The following WNT4 variants were observed in gnomAD, a reference collection of about 807,000 sequenced individuals.
WNT4 encodes the protein Wnt family member 4, also known as protein Wnt-4.
In WNT4, 16 loss-of-function variants were observed where a neutral mutation model predicts 34.5. That is an observed-to-expected ratio of 0.46 (90% CI 0.31 to 0.70). WNT4 has a LOEUF of 0.70. WNT4 is among the 30% of genes least tolerant of loss of function. WNT4 has a pLI of 0.04. For missense variants in WNT4, 379 were observed against 495.9 expected, an observed-to-expected ratio of 0.76 and a Z score of 2.24; for synonymous variants, 200 against 211.9, an observed-to-expected ratio of 0.94 and a Z score of 0.49.
rs575232335 is a variant in WNT4 at position 22,120,166 on chromosome 1, C to G, written c.940G>C (p.Gly314Arg). 1 of 1,613,540 alleles carries G rather than the reference C, an allele frequency of 6.2e-7. No individual in the cohort carries two copies. Among genetic ancestry groups the G allele is most frequent in the Non-Finnish European group, 8.5e-7 (1 of 1,179,936 alleles). Residue 314 changes from glycine to arginine, a missense_variant, in exon 5 of 5, where the codon GGC (glycine) becomes CGC (arginine). By Grantham distance (125) the Gly-to-Arg change is moderately radical. Coordinates refer to ENST00000290167, the MANE Select transcript of WNT4 (RefSeq NM_030761.5). ...DGCELLCCGR[G>R]FHTAQVELAE... ...AGCTCCACCTGCGCCGTGTGGAAGC[C>G]GCGGCCACAGCACAGCAGCTCACAG...
rs1177686181 is a variant in WNT4 at position 22,119,190 on chromosome 1, G to GTC, written c.*859_*860insGA. 2 of 24,586 alleles carry GTC rather than the reference G, an allele frequency of 8.1e-5. No individual in the cohort carries two copies. The highest frequency in any genetic ancestry group is 6.3e-4 in the Admixed American group (2 of 3,152). 1.5% of individuals were successfully genotyped at this position (24,586 alleles called of 1,614,324 possible). A position where few individuals can be genotyped will look rare whatever the true frequency, so the allele number is the denominator to read the frequency against. ...CTCGCAGGTGTGTGTGTGTGTCCGT[G>GTC]TGTGTGTGTGTGTGTGTGTGTGTGT... On this transcript the variant is annotated 3_prime_UTR_variant, in exon 5 of 5. Coordinates refer to ENST00000290167, the MANE Select transcript of WNT4 (RefSeq NM_030761.5).
intron 1 of WNT4, among the ~76,000 whole-genome samples, chr1:22,141,742 C>A (rs891917035): frequency 6.6e-6 from 1 of 152,194 alleles, no homozygotes; most frequent in Non-Finnish European, 1.5e-5. Context: ...CTCATAGCAA[C>A]AGCCATTGGA....
intron 2 of WNT4, among the ~76,000 whole-genome samples, chr1:22,125,529 G>A (rs1557925506): frequency 1.3e-5 from 2 of 152,180 alleles, no homozygotes. Context: ...AGTCAGGAAG[G>A]TGTCCTAGAT....
In WNT4 at chr1:22,142,178, G is replaced by A. The variant is rs1646073373; in HGVS notation, c.77+668C>T. 6.6e-6 allele frequency among the ~76,000 whole-genome samples: 1 copy of A among 152,168 alleles called. No homozygotes were observed. Among genetic ancestry groups the A allele is most frequent in the Admixed American group, 6.5e-5 (1 of 15,294 alleles). ...GCGGTTACCACCCCTTCCTCCTTAG[G>A]CTAGACACGGGGAGCTGGGGGGCCG... On this transcript the variant is annotated intron_variant, in intron 1 of 4. Coordinates refer to ENST00000290167, the MANE Select transcript of WNT4 (RefSeq NM_030761.5). The surrounding 1 kb of genome is among the most constrained non-coding windows in gnomAD (Gnocchi z 6.0).
At chr1:22,131,353 G>A (rs1368084971) in intron 1 of WNT4, among the ~76,000 whole-genome samples, 1 of 152,232 alleles carries the variant, frequency 6.6e-6, no homozygotes, top group Non-Finnish European at 1.5e-5. Context: ...TGAAGGTGGA[G>A]GTGCCTGGGC....
At position 22,130,629 on chromosome 1, in the gene WNT4, G is replaced by GAT. The variant is rs1344602012; in HGVS notation, c.78-780_78-779dup. 3.9e-5 allele frequency among the ~76,000 whole-genome samples: 6 copies of GAT among 152,358 alleles called. No homozygotes were observed. In the East Asian group the frequency reaches 9.6e-4, roughly 24 times the overall value. ...CTGCACAAATTTCTTGTTGAAGAAG[G>GAT]ATAAAGGGAAGGTAACTGCTCTTTG... On this transcript the variant is annotated intron_variant, in intron 1 of 4. Coordinates refer to ENST00000290167, the MANE Select transcript of WNT4 (RefSeq NM_030761.5).
chr1:22,142,898 A>C lies in WNT4; in HGVS notation c.25T>G (p.Ser9Ala), dbSNP rs1033275281. 3 of 1,208,764 alleles carry C rather than the reference A, an allele frequency of 2.5e-6. No individual in the cohort carries two copies. The African/African-American group carries it at 4.9e-5, about 20-fold the overall frequency. The allele number at this position is 1,208,764 out of a possible 1,614,324, so 74.9% of individuals were successfully genotyped here. The change falls in exon 1 of 5, where the codon TCG (serine) becomes GCG (alanine). Residue 9 changes from serine to alanine, a missense_variant. Physicochemically the swap from Ser to Ala is moderately conservative, Grantham distance 99. Transcript: ENST00000290167. This position sits in a 1 kb window ranked among gnomAD's most constrained non-coding sequence, Gnocchi z 6.0. MSPRSCLR[S>A]LRLLVFAVFS... ...ACGGCGAAGACGAGGAGGCGCAGCGAACGCAGGCACGAGCGGGGACTCATG... is the reference window on the plus strand; with the variant it reads ...ACGGCGAAGACGAGGAGGCGCAGCGCACGCAGGCACGAGCGGGGACTCATG...
intron 2 of WNT4, among the ~76,000 whole-genome samples, chr1:22,122,753 C>A (rs368865151): frequency 7.9e-4 from 120 of 152,346 alleles, no homozygotes; most frequent in Middle Eastern, 3.4e-3. Context: ...CCCCAGGGAG[C>A]AGTCACCGTG....
At chr1:22,130,243 G>A (rs1009491767) in intron 1 of WNT4, among the ~76,000 whole-genome samples, 5 of 150,804 alleles carry the variant, frequency 3.3e-5, no homozygotes, top group African/African-American at 9.8e-5. Context: ...GGCTGGAGCC[G>A]CTGTCTGCCC....
intron 2 of WNT4, 149 bp from the exon 3 acceptor site, chr1:22,121,725 G>C: frequency 7.8e-7 from 1 of 1,287,284 alleles, no homozygotes; most frequent in Non-Finnish European, 1.1e-6. Flanking sequence ...GGCACCCCAC[G>C]GCGCTTGTTC....
intron 1 of WNT4, among the ~76,000 whole-genome samples, chr1:22,141,079 G>T (rs1337578318): frequency 6.6e-6 from 1 of 152,194 alleles, no homozygotes; most frequent in African/African-American, 2.4e-5. Context: ...TAGGGTCACT[G>T]CCTGGGAGTC....
intron 4 of WNT4, 55 bp from the exon 5 acceptor site, chr1:22,120,572 G>C: frequency 6.5e-7 from 1 of 1,529,656 alleles, no homozygotes; most frequent in South Asian, 1.2e-5. Flanking sequence ...GGAAGGCAGG[G>C]GAGGGCCGCG....
intron 1 of WNT4, among the ~76,000 whole-genome samples, chr1:22,131,654 T>A (rs1020118228): frequency 6.6e-6 from 1 of 152,172 alleles, no homozygotes; most frequent in Non-Finnish European, 1.5e-5. Context: ...GGAATGCCCG[T>A]GATTTGCTGT....
chr1:22,135,929 C>G (rs920432190), intron 1 of WNT4, among the ~76,000 whole-genome samples: 1 of 152,172 alleles, frequency 6.6e-6, no homozygotes, highest in Non-Finnish European at 1.5e-5. Context: ...TGGGACCCCT[C>G]GCTCCCATCT....
chr1:22,123,700 C>A (rs1645919526), intron 2 of WNT4, among the ~76,000 whole-genome samples: 1 of 152,156 alleles, frequency 6.6e-6, no homozygotes. Context: ...AATTTGAGCC[C>A]AGGCAGCCAG....
chr1:22,141,729 G>A (rs1358872701), intron 1 of WNT4, among the ~76,000 whole-genome samples: 1 of 152,166 alleles, frequency 6.6e-6, no homozygotes, highest in Admixed American at 6.5e-5. Context: ...TGGCCACAAT[G>A]ACCTCATAGC....
Position 22,117,825 on chromosome 1 carries a change from T to C in WNT4, c.*2225A>G, listed in dbSNP as rs1645861121. ...CAGCCTGGACCTACTGTTCCCTGGA[T>C]GGGGAGAGTGGCTCAGCTCTTTCCT... On this transcript the variant is annotated 3_prime_UTR_variant, in exon 5 of 5. Transcript: ENST00000290167. 6.6e-6 allele frequency: 1 copy of C among 152,280 alleles called. No individual in the cohort carries two copies. Among genetic ancestry groups the C allele is most frequent in the Admixed American group, 6.5e-5 (1 of 15,286 alleles). 9.4% of individuals were successfully genotyped at this position (152,280 alleles called of 1,614,324 possible).
At chr1:22,128,866 C>T (rs1283808349) in intron 2 of WNT4, among the ~76,000 whole-genome samples, 1 of 152,130 alleles carries the variant, frequency 6.6e-6, no homozygotes, top group East Asian at 1.9e-4. Flanking sequence ...ACTACAGGCG[C>T]CCGCCACCAC....
rs1646050011 is a variant in WNT4, at chr1:22,139,592, T to G, written c.77+3254A>C. 6.6e-6 allele frequency among the ~76,000 whole-genome samples: 1 copy of G among 152,088 alleles called. No homozygotes were observed. Among genetic ancestry groups the G allele is most frequent in the Admixed American group, 6.5e-5 (1 of 15,272 alleles). On this transcript the variant is annotated intron_variant, in intron 1 of 4. Coordinates refer to ENST00000290167, the MANE Select transcript of WNT4 (RefSeq NM_030761.5). The surrounding 1 kb of genome is among the most constrained non-coding windows in gnomAD (Gnocchi z 4.6). ...CTCAGAAATCCACAGTCCTGAAACCTTAGCTTATTTATTCCCTAACCCTCC... is the reference window on the plus strand; with the variant it reads ...CTCAGAAATCCACAGTCCTGAAACCGTAGCTTATTTATTCCCTAACCCTCC...
Sources: allele counts gnomAD v4.1 joint callset (sites outside exome capture counted in the v4.1 genomes callset), GRCh38; gene constraint gnomAD v4.1.1; non-coding constraint Gnocchi (gnomAD v3.1); transcripts MANE v1.5; gene names NCBI Gene and HGNC (gene_info 2026-07-23, HGNC 2026-07-21).